The following DMXL1 variants were observed in gnomAD, a reference collection of about 807,000 sequenced individuals.
The protein encoded by DMXL1 is Dmx like 1.
Under a neutral mutation model 319.2 loss-of-function variants are expected in DMXL1, and 99 were observed. The ratio of observed to expected loss-of-function variants is 0.31; its 90% confidence interval spans 0.26 to 0.37. The LOEUF is 0.37. DMXL1 is among the 10% of genes least tolerant of loss of function. The pLI is 1.00. For synonymous variants in DMXL1, 1,385 were observed against 1,235.2 expected (o/e 1.12, Z -2.54); for missense variants, 3,745 against 3,595.6 (o/e 1.04, Z -1.06).
intron 9 of DMXL1, among the ~76,000 whole-genome samples, chr5:119,126,154 C>G (rs1453386438): frequency 1.3e-5 from 2 of 152,086 alleles, no homozygotes; most frequent in Non-Finnish European, 2.9e-5. Context: ...GTGGTGGTGT[C>G]TGCCTTTAAT....
chr5:119,091,011 A>G (rs985401804), intron 1 of DMXL1, among the ~76,000 whole-genome samples: 2 of 152,048 alleles, frequency 1.3e-5, no homozygotes, highest in African/African-American at 2.4e-5. Context: ...GATTTTTTAA[A>G]AATATTTCAA....
chr5:119,235,785 G>C (rs993890455), intron 39 of DMXL1, among the ~76,000 whole-genome samples: 2 of 152,076 alleles, frequency 1.3e-5, no homozygotes, highest in African/African-American at 4.8e-5. Context: ...CAAATAGATA[G>C]GAGAACAATA....
chr5:119,144,283 C>T (rs1428285701), intron 14 of DMXL1, among the ~76,000 whole-genome samples: 1 of 151,672 alleles, frequency 6.6e-6, no homozygotes, highest in Non-Finnish European at 1.5e-5. Flanking sequence ...CAATTTGTGG[C>T]TAAATAAAAA....
In DMXL1 at chr5:119,248,934, C is replaced by T. The variant is rs939269593; in HGVS notation, c.*1715C>T. 6.6e-6 allele frequency: 1 copy of T among 152,388 alleles called. No individual in the cohort carries two copies. The highest frequency in any genetic ancestry group is 1.5e-5 in the Non-Finnish European group (1 of 67,896). 9.4% of individuals were successfully genotyped at this position (152,388 alleles called of 1,614,324 possible). The stretch of plus-strand genomic sequence containing the variant: ...ATTTTTCAGTAATTTCTTCACAAAT[C>T]AAGATTCAAACAGCTTTAAACACTT... On this transcript the variant is annotated 3_prime_UTR_variant, in exon 44 of 44. Transcript: ENST00000539542.
chr5:119,074,218 C>T (rs1431589363), intron 1 of DMXL1, among the ~76,000 whole-genome samples: 1 of 152,190 alleles, frequency 6.6e-6, no homozygotes, highest in Non-Finnish European at 1.5e-5. Context: ...TGCACCCAGC[C>T]TTGAGTGTTG....
intron 2 of DMXL1, among the ~76,000 whole-genome samples, chr5:119,099,797 G>A (rs1756830238): frequency 6.6e-6 from 1 of 152,078 alleles, no homozygotes; most frequent in South Asian, 2.1e-4. Flanking sequence ...GAGACCAGAA[G>A]TTTGAGACCA....
At chr5:119,173,914 C>T (rs1184157785) in intron 25 of DMXL1, among the ~76,000 whole-genome samples, 2 of 149,676 alleles carry the variant, frequency 1.3e-5, no homozygotes, top group Non-Finnish European at 3.0e-5. Flanking sequence ...TAGTTCCGGT[C>T]CAAATCAGAA....
Position 119,171,288 on chromosome 5 carries a change from A to G in DMXL1, c.6489+8A>G, listed in dbSNP as rs1774489640. The G allele has an allele frequency of 6.4e-7, 1 of 1,568,408 alleles. No homozygotes were observed. Among genetic ancestry groups the G allele is most frequent in the Admixed American group, 1.9e-5 (1 of 51,588 alleles). On this transcript the variant is annotated splice_region_variant and intron_variant, in intron 24 of 43. Coordinates refer to ENST00000539542, the MANE Select transcript of DMXL1 (RefSeq NM_001290321.3). ...TTGCAAGAATCTCAGCAGGTATGTA[A>G]TTTACTTGATAGTCAAAAATGGTAC...
intron 32 of DMXL1, among the ~76,000 whole-genome samples, chr5:119,202,913 A>T (rs1190888284): frequency 6.9e-6 from 1 of 145,084 alleles, no homozygotes; most frequent in South Asian, 2.1e-4. Context: ...ATATTTATAT[A>T]TTTTTATATA....
At chr5:119,202,887 A>ATATATATATATATT (rs1554139453) in intron 32 of DMXL1, among the ~76,000 whole-genome samples, 15 of 111,606 alleles carry the variant, frequency 1.3e-4, no homozygotes, top group African/African-American at 5.3e-4. Flanking sequence ...ATATATTTTT[A>ATATATATATATATT]TATATATATA....
chr5:119,150,586 T>C (rs1028274739), intron 18 of DMXL1, among the ~76,000 whole-genome samples, 165 bp downstream of exon 18: 1 of 151,886 alleles, frequency 6.6e-6, no homozygotes, highest in African/African-American at 2.4e-5. Flanking sequence ...CCTAGGAGTT[T>C]AAGACCAGTC....
Position 119,105,094 on chromosome 5 carries a change from T to C in DMXL1, c.286-86T>C, listed in dbSNP as rs1758041945. On this transcript the variant is annotated intron_variant, in intron 3 of 43. Transcript: ENST00000539542. ...TCTTTAAAATTGACTGCCTGTGTTA[T>C]TGTAAGAATAACAAGCATAAACGTA... 4.7e-6 allele frequency: 4 copies of C among 849,720 alleles called. No individual in the cohort carries two copies. The South Asian group carries it at 5.9e-5, about 12-fold the overall frequency. 52.6% of individuals were successfully genotyped at this position (849,720 alleles called of 1,614,324 possible). A position where few individuals can be genotyped will look rare whatever the true frequency, so the allele number is the denominator to read the frequency against.
At chr5:119,138,069 C>T (rs1029199184) in intron 13 of DMXL1, among the ~76,000 whole-genome samples, 8 of 152,042 alleles carry the variant, frequency 5.3e-5, no homozygotes, top group Middle Eastern at 3.2e-3. Flanking sequence ...ATAGATTAGA[C>T]GTGGGATGCG....
In DMXL1 at chr5:119,177,400, G is replaced by A. The variant is rs1352304726; in HGVS notation, c.6802G>A (p.Val2268Ile). ...GTTTACTGGAATGGTATATCAGACA[G>A]TACTGCTTCCTCATCGACCTTCTTT... ...NQFTGMVYQT[V>I]LLPHRPSLKT... Residue 2268 changes from valine to isoleucine, a missense_variant, in exon 27 of 44, where the codon GTA becomes ATA. Val to Ile is a conservative substitution (Grantham distance 29, BLOSUM62 3). This residue lies in a region of DMXL1 where 1,382 missense variants were observed against 1,269.5 expected (regional missense o/e 1.09). Transcript: ENST00000539542. 6.2e-7 allele frequency: 1 copy of A among 1,607,616 alleles called. No individual in the cohort carries two copies. Among genetic ancestry groups the A allele is most frequent in the East Asian group, 2.2e-5 (1 of 44,560 alleles).
intron 1 of DMXL1, among the ~76,000 whole-genome samples, chr5:119,087,598 C>T (rs1485269767): frequency 6.6e-6 from 1 of 151,904 alleles, no homozygotes; most frequent in East Asian, 1.9e-4. Context: ...TGGGAATAGT[C>T]TATGTGCTGA....
At chr5:119,162,868 TC>T (rs1230836183) in intron 19 of DMXL1, among the ~76,000 whole-genome samples, 1 of 152,230 alleles carries the variant, frequency 6.6e-6, no homozygotes, top group African/African-American at 2.4e-5. Context: ...TCATTTATTT[TC>T]AAAGTGTTCC....
At chr5:119,155,560 C>T (rs1770823257) in intron 19 of DMXL1, among the ~76,000 whole-genome samples, 1 of 152,068 alleles carries the variant, frequency 6.6e-6, no homozygotes, top group Non-Finnish European at 1.5e-5. Flanking sequence ...TCAGCAGAGC[C>T]AGGCACGATG....
intron 11 of DMXL1, 30 bp downstream of exon 11, chr5:119,133,415 C>A: frequency 6.3e-7 from 1 of 1,597,338 alleles, no homozygotes; most frequent in South Asian, 1.1e-5. Flanking sequence ...AGAGCTACTT[C>A]CTTGTTTATG....
Position 119,121,079 on chromosome 5 carries a change from C to G in DMXL1, c.1042C>G (p.Pro348Ala). The change falls in exon 9 of 44, where the codon CCA becomes GCA. Residue 348 changes from proline (P) to alanine (A), a missense_variant. Around this residue, in one of 4 missense-constraint regions of DMXL1, gnomAD observed 2,096 missense variants for 1,985.4 expected, o/e 1.06. Coordinates refer to ENST00000539542, the MANE Select transcript of DMXL1 (RefSeq NM_001290321.3). ...TCCTCATCATGTTCACAGGAACACTCCACTGCATGCCAATGCACTTTGCCA... is the reference window on the plus strand; with the variant it reads ...TCCTCATCATGTTCACAGGAACACTGCACTGCATGCCAATGCACTTTGCCA... ...QDPHHVHRNT[P>A]LHANALCHFH... 1 of 1,612,756 alleles carries G rather than the reference C, an allele frequency of 6.2e-7. No individual in the cohort carries two copies. Among genetic ancestry groups the G allele is most frequent in the South Asian group, 1.1e-5 (1 of 90,796 alleles).
Sources: allele counts gnomAD v4.1 joint callset (sites outside exome capture counted in the v4.1 genomes callset), GRCh38; gene constraint gnomAD v4.1.1; regional missense constraint gnomAD v4.1.1; transcripts MANE v1.5; gene names NCBI Gene and HGNC (gene_info 2026-07-23, HGNC 2026-07-21).